Variants in NKAIN2 observed in about 807,000 individuals in gnomAD.
NKAIN2 encodes the protein sodium/potassium-transporting ATPase subunit beta-1-interacting protein 2.
A neutral mutation model predicts 32.6 loss-of-function variants in NKAIN2; 14 were observed. The ratio of observed to expected loss-of-function variants is 0.43; its 90% confidence interval spans 0.28 to 0.67. The LOEUF (loss-of-function observed/expected upper bound fraction) is 0.67, where lower values mean the gene tolerates loss of function less well. Among genes scored for constraint, NKAIN2 ranks in the 30% least tolerant of loss-of-function variants. NKAIN2 has a pLI of 0.17. For synonymous variants in NKAIN2, 80 were observed against 87.2 expected (o/e 0.92, Z 0.46); for missense variants, 198 against 258.3 (o/e 0.77, Z 1.60).
intron 4 of NKAIN2, among the ~76,000 whole-genome samples, chr6:124,702,296 TA>T (rs1204643043): frequency 2.0e-5 from 3 of 152,078 alleles, no homozygotes; most frequent in Non-Finnish European, 4.4e-5. Flanking sequence ...AAATCATAAA[TA>T]TGAAACCTTG....
intron 3 of NKAIN2, among the ~76,000 whole-genome samples, chr6:124,606,317 AT>A (rs541396451): frequency 5.5e-4 from 83 of 151,832 alleles, no homozygotes; most frequent in African/African-American, 2.0e-3. Flanking sequence ...TGTCAACCAC[AT>A]TTTTTTCCCA....
chr6:124,683,675 C>G (rs1051048394), intron 4 of NKAIN2, among the ~76,000 whole-genome samples: 1 of 152,152 alleles, frequency 6.6e-6, no homozygotes, highest in Admixed American at 6.6e-5. Flanking sequence ...TGATCCCCCC[C>G]ACCCTGCTTT....
intron 4 of NKAIN2, among the ~76,000 whole-genome samples, chr6:124,715,341 G>A (rs1022767332): frequency 2.0e-5 from 3 of 152,124 alleles, no homozygotes; most frequent in Non-Finnish European, 2.9e-5. Context: ...GGGAGATACA[G>A]GTGAAAGGCT....
At position 124,810,898 on chromosome 6, in the gene NKAIN2, A is replaced by T. The variant is rs538473300; in HGVS notation, c.536-7489A>T. On this transcript the variant is annotated intron_variant, in intron 5 of 6. Coordinates refer to ENST00000368417, the MANE Select transcript of NKAIN2 (RefSeq NM_001040214.3). ...GCTAAAGTACGTCTTCCTATAAAGG[A>T]TTGCATTTTCCTTATCAGGAAAAAA... is the stretch of plus-strand genomic sequence containing the variant. Among the ~76,000 whole-genome samples, 4 of 148,622 alleles carry T rather than the reference A, an allele frequency of 2.7e-5. No homozygotes were observed. In the South Asian group the frequency reaches 6.4e-4, roughly 24 times the overall value.
intron 1 of NKAIN2, among the ~76,000 whole-genome samples, chr6:124,050,323 G>A (rs924293785): frequency 1.3e-5 from 2 of 151,968 alleles, no homozygotes; most frequent in Non-Finnish European, 2.9e-5. Flanking sequence ...TAGTCTGACT[G>A]GTCAAAGCGT....
At chr6:123,828,311 T>C (rs1692895847) in intron 1 of NKAIN2, among the ~76,000 whole-genome samples, 1 of 152,182 alleles carries the variant, frequency 6.6e-6, no homozygotes, top group Admixed American at 6.5e-5. Flanking sequence ...CTGGTTAACC[T>C]CGAGGACTGC....
chr6:124,321,815 G>A (rs1421137182), intron 2 of NKAIN2, among the ~76,000 whole-genome samples: 1 of 152,124 alleles, frequency 6.6e-6, no homozygotes, highest in East Asian at 1.9e-4. Flanking sequence ...TGGCATGGCT[G>A]CTCAGAAAAT....
chr6:124,283,768 G>A (rs1036209959), intron 2 of NKAIN2, among the ~76,000 whole-genome samples: 4 of 151,882 alleles, frequency 2.6e-5, no homozygotes, highest in African/African-American at 9.7e-5. Context: ...TTAAACTTTT[G>A]TATGTGCCTC....
intron 1 of NKAIN2, among the ~76,000 whole-genome samples, chr6:124,255,703 T>C (rs1047790719): frequency 6.6e-6 from 1 of 152,222 alleles, no homozygotes; most frequent in Non-Finnish European, 1.5e-5. Flanking sequence ...CTTCTTTGTG[T>C]TGCTCATTGA....
At chr6:123,927,305 T>G (rs1399995692) in intron 1 of NKAIN2, among the ~76,000 whole-genome samples, 1 of 152,232 alleles carries the variant, frequency 6.6e-6, no homozygotes, top group Non-Finnish European at 1.5e-5. Flanking sequence ...TAATTAATAT[T>G]TCTTAATTTT....
At chr6:123,842,755 G>A (rs1407671343) in intron 1 of NKAIN2, among the ~76,000 whole-genome samples, 1 of 151,902 alleles carries the variant, frequency 6.6e-6, no homozygotes, top group Non-Finnish European at 1.5e-5. Flanking sequence ...TCTGAAACTA[G>A]GAACAGCTAA....
At chr6:124,784,215 T>C (rs540379919) in intron 4 of NKAIN2, among the ~76,000 whole-genome samples, 2 of 152,264 alleles carry the variant, frequency 1.3e-5, no homozygotes, top group East Asian at 1.9e-4. Flanking sequence ...TGAAATAAAA[T>C]GAGAGATTCT....
intron 3 of NKAIN2, among the ~76,000 whole-genome samples, chr6:124,604,869 G>A (rs533307639): frequency 6.6e-5 from 10 of 151,998 alleles, no homozygotes; most frequent in African/African-American, 2.2e-4. Flanking sequence ...ACAAAGCATC[G>A]TAAGACTTGA....
At chr6:124,313,036 A>G (rs1294537201) in intron 2 of NKAIN2, among the ~76,000 whole-genome samples, 1 of 152,126 alleles carries the variant, frequency 6.6e-6, no homozygotes, top group Non-Finnish European at 1.5e-5. Flanking sequence ...ATTAAGGGTT[A>G]TGGGAGTCAT....
intron 3 of NKAIN2, among the ~76,000 whole-genome samples, chr6:124,390,448 T>C (rs1773093388): frequency 6.6e-6 from 1 of 152,158 alleles, no homozygotes; most frequent in Non-Finnish European, 1.5e-5. Context: ...TGGCTTTTAT[T>C]GCTTAATATG....
chr6:123,871,805 A>C (rs994714807), intron 1 of NKAIN2, among the ~76,000 whole-genome samples: 1 of 152,168 alleles, frequency 6.6e-6, no homozygotes, highest in Non-Finnish European at 1.5e-5. Flanking sequence ...ATTTTATTTA[A>C]TTTAAAACAT....
intron 2 of NKAIN2, among the ~76,000 whole-genome samples, chr6:124,322,972 T>C (rs534003995): frequency 6.6e-5 from 10 of 152,314 alleles, no homozygotes; most frequent in Admixed American, 2.0e-4. Flanking sequence ...GCTGTTCCAA[T>C]AATTATGTAG....
chr6:123,942,388 G>C (rs754575886), intron 1 of NKAIN2, among the ~76,000 whole-genome samples: 5 of 151,994 alleles, frequency 3.3e-5, no homozygotes, highest in Middle Eastern at 3.2e-3. Context: ...ATTTGTTTAA[G>C]AGCATGATAA....
intron 4 of NKAIN2, among the ~76,000 whole-genome samples, chr6:124,747,865 A>G (rs974195763): frequency 1.3e-5 from 2 of 151,722 alleles, no homozygotes; most frequent in African/African-American, 4.8e-5. Context: ...GAAATAGGAT[A>G]CTCCTGACTC....
Sources: allele counts gnomAD v4.1 joint callset (sites outside exome capture counted in the v4.1 genomes callset), GRCh38; gene constraint gnomAD v4.1.1; transcripts MANE v1.5; gene names NCBI Gene and HGNC (gene_info 2026-07-23, HGNC 2026-07-21).